Variants in HECW2 observed in about 807,000 individuals in gnomAD.
HECW2 encodes HECT, C2 and WW domain containing E3 ubiquitin protein ligase 2, also known as E3 ubiquitin-protein ligase HECW2.
HECW2 carries 61 observed loss-of-function variants against 175.2 expected under a neutral mutation model. That is an observed-to-expected ratio of 0.35 (90% CI 0.28 to 0.43). The LOEUF is 0.43. HECW2 is among the 20% of genes least tolerant of loss of function. The probability of loss-of-function intolerance (pLI) is 1.00; values close to 1 mark genes in which losing one functional copy is unlikely to be tolerated. For missense variants in HECW2, 1,524 were observed against 2,000.5 expected (o/e 0.76, Z 4.54); for synonymous variants, 671 against 731.0 (o/e 0.92, Z 1.32).
chr2:196,372,948 T>C (rs1693948003), intron 2 of HECW2, among the ~76,000 whole-genome samples: 1 of 152,176 alleles, frequency 6.6e-6, no homozygotes, highest in Non-Finnish European at 1.5e-5. Flanking sequence ...TTCACATCTG[T>C]ACAATTGGGA....
intron 5 of HECW2, among the ~76,000 whole-genome samples, chr2:196,326,400 C>A (rs533139451): frequency 6.6e-6 from 1 of 151,556 alleles, no homozygotes; most frequent in Non-Finnish European, 1.5e-5. Context: ...GCAGTAGAGG[C>A]GGAAAGTTTG....
At chr2:196,329,899 C>G (rs1396592745) in intron 4 of HECW2, among the ~76,000 whole-genome samples, 1 of 152,106 alleles carries the variant, frequency 6.6e-6, no homozygotes, top group Non-Finnish European at 1.5e-5. Flanking sequence ...ATGAATCAAA[C>G]TATGTCTTTT....
chr2:196,345,219 G>GGTA (rs1692909698), intron 2 of HECW2, among the ~76,000 whole-genome samples: 1 of 152,190 alleles, frequency 6.6e-6, no homozygotes, highest in South Asian at 2.1e-4. Flanking sequence ...ATACTTAGAT[G>GGTA]GTACTCGGGC....
intron 1 of HECW2, among the ~76,000 whole-genome samples, chr2:196,544,079 T>C (rs2125471658): frequency 6.6e-6 from 1 of 152,324 alleles, no homozygotes. Context: ...GCAAAGTGAC[T>C]ACCTCAAGCA....
chr2:196,247,397 G>T (rs922336923), intron 19 of HECW2, among the ~76,000 whole-genome samples: 6 of 152,200 alleles, frequency 3.9e-5, no homozygotes, highest in African/African-American at 1.4e-4. Flanking sequence ...GTTCTTGGAA[G>T]ATTGCGCTAA....
At chr2:196,463,047 T>G (rs554835875) in intron 1 of HECW2, among the ~76,000 whole-genome samples, 1 of 152,160 alleles carries the variant, frequency 6.6e-6, no homozygotes, top group African/African-American at 2.4e-5. Context: ...ATTTAACTTG[T>G]AAGTTCTGTA....
intron 2 of HECW2, among the ~76,000 whole-genome samples, chr2:196,377,370 AC>A (rs1330327310): frequency 6.6e-6 from 1 of 152,210 alleles, no homozygotes; most frequent in East Asian, 1.9e-4. Flanking sequence ...ATAAAGACAT[AC>A]CCGAAACTGG....
At position 196,319,730 on chromosome 2, in the gene HECW2, C is replaced by G. The variant is rs770779546; in HGVS notation, c.1160G>C (p.Arg387Thr). The G allele has an allele frequency of 4.3e-6, 7 of 1,614,024 alleles. No individual in the cohort carries two copies. In the East Asian group the frequency reaches 1.6e-4, roughly 36 times the overall value. The change falls in exon 9 of 29, where the codon AGG becomes ACG. Residue 387 changes from arginine to threonine, a missense_variant. By Grantham distance (71) the Arg-to-Thr change is moderately conservative. Around this residue, in one of 11 missense-constraint regions of HECW2, gnomAD observed 604 missense variants for 588.3 expected, o/e 1.03. Coordinates refer to ENST00000644978, the MANE Select transcript of HECW2 (RefSeq NM_001348768.2). ...AADGTPKHSF[R>T]TSSTLEIDTE... ...GTCTATTTCCAGAGTGGAGCTAGTC[C>G]TGAATGAATGCTTGGGGGTTCCATC... is the stretch of plus-strand genomic sequence containing the variant.
At chr2:196,462,766 A>G (rs888981311) in intron 1 of HECW2, among the ~76,000 whole-genome samples, 2 of 152,146 alleles carry the variant, frequency 1.3e-5, no homozygotes, top group Admixed American at 6.5e-5. Context: ...GACACAAGTC[A>G]GGTCAAAACA....
intron 4 of HECW2, among the ~76,000 whole-genome samples, chr2:196,330,650 G>A (rs752301528): frequency 3.3e-5 from 5 of 152,134 alleles, no homozygotes; most frequent in South Asian, 2.1e-4. Context: ...ATATCAGATC[G>A]AACTCCTCAT....
At chr2:196,225,150 T>G (rs1343946498) in intron 23 of HECW2, among the ~76,000 whole-genome samples, 1 of 152,242 alleles carries the variant, frequency 6.6e-6, no homozygotes, top group Non-Finnish European at 1.5e-5. Flanking sequence ...CAGAAACAAT[T>G]AGCCCTACAT....
chr2:196,316,550 G>A (rs1691705711), intron 10 of HECW2: 1 of 152,120 alleles, frequency 6.6e-6, no homozygotes, highest in Non-Finnish European at 1.5e-5. Context: ...AAAATGCATT[G>A]CTCTCATAGA....
chr2:196,584,601 A>C (rs1446901444), intron 1 of HECW2, among the ~76,000 whole-genome samples: 5 of 142,682 alleles, frequency 3.5e-5, no homozygotes, highest in Non-Finnish European at 6.2e-5. Flanking sequence ...AAAAAAAAAA[A>C]CCTAAATCAC....
chr2:196,443,941 G>A (rs998866656), intron 1 of HECW2, among the ~76,000 whole-genome samples: 11 of 152,124 alleles, frequency 7.2e-5, no homozygotes, highest in Non-Finnish European at 2.9e-5. Context: ...AGGCTGAAGT[G>A]GGAGGATCGC....
intron 2 of HECW2, among the ~76,000 whole-genome samples, chr2:196,358,658 T>C (rs1693475352): frequency 6.6e-6 from 1 of 151,412 alleles, no homozygotes; most frequent in African/African-American, 2.4e-5. Flanking sequence ...AGCTATGTTT[T>C]CATTTCATTA....
chr2:196,225,289 GACAA>G (rs1687811845), intron 23 of HECW2, among the ~76,000 whole-genome samples: 2 of 152,106 alleles, frequency 1.3e-5, no homozygotes, highest in Admixed American at 6.6e-5. Flanking sequence ...GTCCACCCTT[GACAA>G]ACAAATAAAA....
At chr2:196,506,311 GA>G (rs1438101045) in intron 1 of HECW2, among the ~76,000 whole-genome samples, 3 of 152,118 alleles carry the variant, frequency 2.0e-5, no homozygotes, top group Non-Finnish European at 4.4e-5. Context: ...ACAGAATCTA[GA>G]AAACAAATCA....
At chr2:196,256,726 C>G (rs1359215259) in intron 18 of HECW2, among the ~76,000 whole-genome samples, 1 of 152,112 alleles carries the variant, frequency 6.6e-6, no homozygotes, top group African/African-American at 2.4e-5. Context: ...GTTAATTGAC[C>G]AGTAGTCTTC....
intron 2 of HECW2, among the ~76,000 whole-genome samples, chr2:196,366,220 T>G (rs1459397669): frequency 6.6e-6 from 1 of 152,204 alleles, no homozygotes; most frequent in Non-Finnish European, 1.5e-5. Flanking sequence ...CTGCACAATT[T>G]CAGAAGAAAT....
Sources: allele counts gnomAD v4.1 joint callset (sites outside exome capture counted in the v4.1 genomes callset), GRCh38; gene constraint gnomAD v4.1.1; regional missense constraint gnomAD v4.1.1; transcripts MANE v1.5; gene names NCBI Gene and HGNC (gene_info 2026-07-23, HGNC 2026-07-21).